The following PIAS2 variants were observed in gnomAD, a reference collection of about 807,000 sequenced individuals.
The protein encoded by PIAS2 is protein inhibitor of activated STAT 2, also known as E3 SUMO-protein ligase PIAS2.
PIAS2 carries 19 observed loss-of-function variants against 69.7 expected under a neutral mutation model. The ratio of observed to expected loss-of-function variants is 0.27; its 90% CI spans 0.19 to 0.40. The LOEUF (loss-of-function observed/expected upper bound fraction) is 0.40. PIAS2 is among the 10% of genes least tolerant of loss of function. The pLI is 1.00. For synonymous variants in PIAS2, 261 were observed against 263.2 expected (o/e 0.99, Z 0.08); for missense variants, 624 against 757.0 (o/e 0.82, Z 2.06).
intron 12 of PIAS2, chr18:46,816,447 C>A (rs1047065293): frequency 2.0e-6 from 2 of 984,866 alleles, no homozygotes; most frequent in East Asian, 1.1e-4. Context: ...ATTTCTAAAG[C>A]CTTTTTGAAA....
upstream of PIAS2, among the ~76,000 whole-genome samples, chr18:46,918,981 ATATG>A (rs1468589656): frequency 2.0e-5 from 3 of 147,472 alleles, no homozygotes; most frequent in Admixed American, 2.0e-4. Flanking sequence ...TATTTGATAT[ATATG>A]TGTGTGCGTG....
At chr18:46,850,486 TA>T (rs2046803064) in intron 5 of PIAS2, among the ~76,000 whole-genome samples, 1 of 152,186 alleles carries the variant, frequency 6.6e-6, no homozygotes, top group East Asian at 1.9e-4. Flanking sequence ...CCTCGAAGTA[TA>T]AGGTTTGTTG....
chr18:46,888,159 G>C (rs1244389744), intron 2 of PIAS2, among the ~76,000 whole-genome samples: 1 of 151,870 alleles, frequency 6.6e-6, no homozygotes, highest in East Asian at 1.9e-4. Flanking sequence ...ATGAAAACCT[G>C]TACAATAACA....
rs7235496 is a variant in PIAS2, at chr18:46,823,679, A to G, written c.1509-2607T>C. On this transcript the variant is annotated intron_variant, in intron 11 of 13. Coordinates refer to ENST00000585916, the MANE Select transcript of PIAS2 (RefSeq NM_004671.5). The stretch of plus-strand genomic sequence containing the variant: ...TGGCGGTACAAATTAGTAAATCAAC[A>G]TCTAAAACCTCAGCAAACATATGAA... Among the ~76,000 whole-genome samples the G allele has an allele frequency of 2.5e-3, 376 of 152,362 alleles. 2 individuals are homozygous for G. The highest frequency in any genetic ancestry group is 8.6e-3 in the African/African-American group (357 of 41,588).
chr18:46,813,881 C>A (rs1370465591), intron 13 of PIAS2, among the ~76,000 whole-genome samples: 3 of 152,274 alleles, frequency 2.0e-5, no homozygotes, highest in Non-Finnish European at 4.4e-5. Flanking sequence ...AAAGAGCTTC[C>A]AAGGAGCTCT....
At chr18:46,896,001 TA>T (rs908968096) in intron 1 of PIAS2, among the ~76,000 whole-genome samples, 5 of 150,638 alleles carry the variant, frequency 3.3e-5, no homozygotes, top group Non-Finnish European at 4.4e-5. Context: ...AGAGAAACAA[TA>T]AAAAAAATGC....
At chr18:46,872,204 A>C (rs1319688623) in intron 2 of PIAS2, among the ~76,000 whole-genome samples, 3 of 152,222 alleles carry the variant, frequency 2.0e-5, no homozygotes, top group Non-Finnish European at 4.4e-5. Flanking sequence ...AGAGCTATTA[A>C]CTAAACAGTC....
At chr18:46,867,639 T>G (rs998628138) in intron 2 of PIAS2, among the ~76,000 whole-genome samples, 1 of 152,346 alleles carries the variant, frequency 6.6e-6, no homozygotes, top group East Asian at 1.9e-4. Context: ...GAATTAAATA[T>G]GGCTTTATTC....
Position 46,812,201 on chromosome 18 carries a change from T to C in PIAS2, c.*232A>G, listed in dbSNP as rs2144693375. 5.2e-6 allele frequency: 2 copies of C among 382,654 alleles called. No individual in the cohort carries two copies. Among genetic ancestry groups the C allele is most frequent in the Non-Finnish European group, 9.4e-6 (2 of 213,332 alleles). The allele number at this position is 382,654 out of a possible 1,614,324, so 23.7% of individuals were successfully genotyped here. A position where few individuals can be genotyped will look rare whatever the true frequency, so the allele number is the denominator to read the frequency against. On this transcript the variant is annotated 3_prime_UTR_variant, in exon 14 of 14. Coordinates refer to ENST00000585916, the MANE Select transcript of PIAS2 (RefSeq NM_004671.5). ...TCCATCTCTCAGGAAGATACAGTTA[T>C]GGTTGAATGTATCTGATGCTGAGAG...
rs142672816 is a variant in PIAS2, at chr18:46,844,412, C to T, written c.968-285G>A. Among the ~76,000 whole-genome samples, 10 of 152,242 alleles carry T rather than the reference C, an allele frequency of 6.6e-5. No individual in the cohort carries two copies. In the East Asian group the frequency reaches 1.7e-3, roughly 26 times the overall value. ...ACAATTAGGAGAGGAAGCTGGAATG[C>T]AGCAGTACCCTGAGCGTCAAAGCTT... On this transcript the variant is annotated intron_variant, in intron 7 of 13. Coordinates refer to ENST00000585916, the MANE Select transcript of PIAS2 (RefSeq NM_004671.5).
chr18:46,920,120 G>T (rs980143336), upstream of PIAS2: 34 of 1,286,918 alleles, frequency 2.6e-5, no homozygotes, highest in Non-Finnish European at 3.4e-5. Flanking sequence ...ATGTGTAGCA[G>T]CTCCTGGATG....
In PIAS2 at chr18:46,852,127, C is replaced by T. The variant is rs8095524; in HGVS notation, c.726+3218G>A. Among the ~76,000 whole-genome samples the T allele has an allele frequency of 6.3e-3, 962 of 152,294 alleles. 7 individuals are homozygous for T. Among genetic ancestry groups the T allele is most frequent in the African/African-American group, 0.022 (897 of 41,552 alleles). On this transcript the variant is annotated intron_variant, in intron 5 of 13. Coordinates refer to ENST00000585916, the MANE Select transcript of PIAS2 (RefSeq NM_004671.5). ...TTCTTCTGAGGCTGCAGCATACTCA[C>T]GTAATTCTTAAAAACTGCAGAATCT... is the stretch of plus-strand genomic sequence containing the variant.
chr18:46,909,674 A>T (rs1196677768), intron 1 of PIAS2, among the ~76,000 whole-genome samples: 1 of 152,258 alleles, frequency 6.6e-6, no homozygotes, highest in Non-Finnish European at 1.5e-5. Context: ...GACATTATCC[A>T]ATATTGGTGA....
Position 46,828,008 on chromosome 18 carries a change from T to G in PIAS2, c.1459A>C (p.Lys487Gln), listed in dbSNP as rs1252720799. The G allele has an allele frequency of 1.9e-6, 3 of 1,613,996 alleles. No individual in the cohort carries two copies. The highest frequency in any genetic ancestry group is 1.7e-5 in the Admixed American group (1 of 60,020). Residue 487 changes from lysine to glutamine, a missense_variant, in exon 11 of 14, where the codon AAA becomes CAA. By Grantham distance (53) the Lys-to-Gln change is moderately conservative (BLOSUM62 1). Around this residue, in one of 3 missense-constraint regions of PIAS2, gnomAD observed 241 missense variants for 257.3 expected, o/e 0.94. Transcript: ENST00000585916. ...SSDEEEDPPAKRKCIFMSETQ... is the reference protein window; with the variant it reads ...SSDEEEDPPAQRKCIFMSETQ... ...TCTGACATAAAGATGCATTTCCTTT[T>G]GGCAGGAGGGTCTTCCTCTTCGTCA...
intron 1 of PIAS2, among the ~76,000 whole-genome samples, chr18:46,909,316 TG>T (rs1158838431): frequency 2.0e-5 from 3 of 152,246 alleles, no homozygotes; most frequent in African/African-American, 7.2e-5. Context: ...TGGCGTGCAA[TG>T]GCATGATCAC....
chr18:46,848,498 A>C (rs934154026), intron 5 of PIAS2, among the ~76,000 whole-genome samples: 2 of 152,150 alleles, frequency 1.3e-5, no homozygotes, highest in Non-Finnish European at 2.9e-5. Flanking sequence ...CAATGCTAAA[A>C]TATGCACCTT....
intron 8 of PIAS2, among the ~76,000 whole-genome samples, chr18:46,838,360 C>CTT (rs2044765062): frequency 6.6e-6 from 1 of 152,150 alleles, no homozygotes; most frequent in Non-Finnish European, 1.5e-5. Context: ...GAAACTAAGG[C>CTT]ACAAAGAAGC....
At chr18:46,813,111 A>T (rs1471017127) in intron 13 of PIAS2, among the ~76,000 whole-genome samples, 1 of 152,052 alleles carries the variant, frequency 6.6e-6, no homozygotes, top group Non-Finnish European at 1.5e-5. Flanking sequence ...ATGGCATTGG[A>T]CTCCTTTGTA....
At position 46,805,856 on chromosome 18, in the gene PIAS2, A is replaced by C. The variant is rs2040661708; in HGVS notation, c.*6577T>G. Reference sequence around the variant, plus strand: ...CAGGAATGAGCCTCATGGATGCTTCATTTCTGAAATCCCATGCTTAACATT... The same window carrying C: ...CAGGAATGAGCCTCATGGATGCTTCCTTTCTGAAATCCCATGCTTAACATT... On this transcript the variant is annotated 3_prime_UTR_variant, in exon 14 of 14. Coordinates refer to ENST00000585916, the MANE Select transcript of PIAS2 (RefSeq NM_004671.5). 1 of 152,208 alleles carries C rather than the reference A, an allele frequency of 6.6e-6. No individual in the cohort carries two copies. The highest frequency in any genetic ancestry group is 2.4e-5 in the African/African-American group (1 of 41,454). 9.4% of individuals were successfully genotyped at this position (152,208 alleles called of 1,614,324 possible).
Sources: allele counts gnomAD v4.1 joint callset (sites outside exome capture counted in the v4.1 genomes callset), GRCh38; gene constraint gnomAD v4.1.1; regional missense constraint gnomAD v4.1.1; transcripts MANE v1.5; gene names NCBI Gene and HGNC (gene_info 2026-07-23, HGNC 2026-07-21).